Variants in PPFIA2 observed in about 807,000 individuals in gnomAD.
PPFIA2 encodes the protein PPFI scaffold protein A2.
Under a neutral mutation model 175.5 loss-of-function variants are expected in PPFIA2, and 46 were observed. That is an observed-to-expected ratio of 0.26 (90% CI 0.21 to 0.34). The LOEUF (loss-of-function observed/expected upper bound fraction) is 0.34. PPFIA2 is among the 10% of genes least tolerant of loss of function. The pLI is 1.00. For missense variants in PPFIA2, 1,179 were observed against 1,506.1 expected, an observed-to-expected ratio of 0.78 and a Z score of 3.60; for synonymous variants, 568 against 511.4, an observed-to-expected ratio of 1.11 and a Z score of -1.49.
At chr12:81,671,810 GT>G (rs2071475878) in intron 4 of PPFIA2, among the ~76,000 whole-genome samples, 1 of 151,536 alleles carries the variant, frequency 6.6e-6, no homozygotes, top group Admixed American at 6.6e-5. Flanking sequence ...ATATACCATG[GT>G]CCCCCCATCA....
chr12:81,383,087 T>C (rs978971225), intron 9 of PPFIA2, among the ~76,000 whole-genome samples: 6 of 152,018 alleles, frequency 3.9e-5, no homozygotes, highest in East Asian at 1.9e-4. Context: ...TTCAGTAACA[T>C]GGAGGTCAGT....
chr12:81,535,251 A>T (rs1199332604), intron 4 of PPFIA2, among the ~76,000 whole-genome samples: 3 of 151,728 alleles, frequency 2.0e-5, no homozygotes, highest in Non-Finnish European at 4.4e-5. Flanking sequence ...AGGGCAATGG[A>T]CAGCAGAGCA....
intron 3 of PPFIA2, among the ~76,000 whole-genome samples, chr12:81,708,287 A>T (rs926633845): frequency 6.6e-6 from 1 of 152,116 alleles, no homozygotes; most frequent in African/African-American, 2.4e-5. Flanking sequence ...AATTTTAAAA[A>T]CAGAGGGTGG....
In PPFIA2 at chr12:81,384,931, G is replaced by A. The variant is rs556119970; in HGVS notation, c.763-687C>T. Reference sequence around the variant, plus strand: ...CCGAAAGGACTGCTTAGAAACCAGGGTTTTCTAAAAATATGTCTTCAGAAG... The same window carrying A: ...CCGAAAGGACTGCTTAGAAACCAGGATTTTCTAAAAATATGTCTTCAGAAG... On this transcript the variant is annotated intron_variant, in intron 8 of 32. Coordinates refer to ENST00000549396, the MANE Select transcript of PPFIA2 (RefSeq NM_003625.5). Among the ~76,000 whole-genome samples, 8 of 152,074 alleles carry A rather than the reference G, an allele frequency of 5.3e-5. No homozygotes were observed. In the South Asian group the frequency reaches 1.7e-3, roughly 32 times the overall value.
At chr12:81,490,048 A>G (rs2059264322) in intron 4 of PPFIA2, among the ~76,000 whole-genome samples, 1 of 151,898 alleles carries the variant, frequency 6.6e-6, no homozygotes, top group African/African-American at 2.4e-5. Flanking sequence ...CCCCATTATA[A>G]GACCTAGCAT....
chr12:81,579,398 A>C (rs1159290468), intron 4 of PPFIA2, among the ~76,000 whole-genome samples: 3 of 151,816 alleles, frequency 2.0e-5, no homozygotes. Context: ...TTTCATTTTA[A>C]ACAGATTCTC....
intron 16 of PPFIA2, among the ~76,000 whole-genome samples, chr12:81,353,876 T>C (rs1356503119): frequency 6.6e-6 from 1 of 152,198 alleles, no homozygotes; most frequent in Admixed American, 6.6e-5. Context: ...TCAGGGTTAG[T>C]TCCAGCCCAC....
At chr12:81,367,629 T>C (rs1447343618) in intron 13 of PPFIA2, among the ~76,000 whole-genome samples, 1 of 151,548 alleles carries the variant, frequency 6.6e-6, no homozygotes, top group Non-Finnish European at 1.5e-5. Flanking sequence ...TACTGCAATG[T>C]GGAATTAACA....
At chr12:81,580,092 T>C (rs1186364976) in intron 4 of PPFIA2, among the ~76,000 whole-genome samples, 2 of 151,914 alleles carry the variant, frequency 1.3e-5, no homozygotes, top group Non-Finnish European at 1.5e-5. Flanking sequence ...CAATTAATTA[T>C]ATTATTAAGG....
At chr12:81,691,934 T>C (rs2153588431) in intron 3 of PPFIA2, among the ~76,000 whole-genome samples, 1 of 152,250 alleles carries the variant, frequency 6.6e-6, no homozygotes, top group Admixed American at 6.6e-5. Context: ...TTCTACCTCC[T>C]GGTATTCACA....
At chr12:81,379,678 C>T (rs551323451) in intron 9 of PPFIA2, among the ~76,000 whole-genome samples, 1 of 152,248 alleles carries the variant, frequency 6.6e-6, no homozygotes, top group South Asian at 2.1e-4. Context: ...TAGCTTTAAT[C>T]CAACTCACGT....
chr12:81,497,352 C>T (rs1312113412), intron 4 of PPFIA2, among the ~76,000 whole-genome samples: 2 of 151,708 alleles, frequency 1.3e-5, no homozygotes, highest in Non-Finnish European at 2.9e-5. Flanking sequence ...TTTTATCTTT[C>T]CAAGATTATT....
intron 4 of PPFIA2, among the ~76,000 whole-genome samples, chr12:81,595,398 T>C (rs916452549): frequency 1.3e-5 from 2 of 152,050 alleles, no homozygotes; most frequent in African/African-American, 4.8e-5. Context: ...TTAACTTTTG[T>C]CAATTAAAGG....
At chr12:81,438,988 A>T (rs1045881309) in intron 7 of PPFIA2, among the ~76,000 whole-genome samples, 8 of 151,994 alleles carry the variant, frequency 5.3e-5, no homozygotes, top group Admixed American at 5.2e-4. Flanking sequence ...ACCCTTGGTT[A>T]TTTAAGAGTA....
intron 4 of PPFIA2, among the ~76,000 whole-genome samples, chr12:81,538,545 A>T (rs1274735260): frequency 1.3e-5 from 2 of 151,910 alleles, no homozygotes; most frequent in East Asian, 3.9e-4. Flanking sequence ...GGGAAGGGGT[A>T]TTGCCATTTT....
intron 22 of PPFIA2, among the ~76,000 whole-genome samples, chr12:81,311,747 A>G (rs1022666123): frequency 2.0e-5 from 3 of 146,526 alleles, no homozygotes; most frequent in East Asian, 2.1e-4. Context: ...AAAAAAAAAA[A>G]AAAAAGAAAG....
chr12:81,394,962 G>A (rs1416990872), intron 8 of PPFIA2, among the ~76,000 whole-genome samples: 1 of 151,914 alleles, frequency 6.6e-6, no homozygotes, highest in African/African-American at 2.4e-5. Flanking sequence ...TTAATGAATA[G>A]CATTATTATT....
chr12:81,277,571 T>A, intron 27 of PPFIA2, 157 bp from the exon 28 acceptor site: 1 of 813,308 alleles, frequency 1.2e-6, no homozygotes, highest in Non-Finnish European at 1.7e-6. Flanking sequence ...TGGAGGGAAA[T>A]ACATTTATAA....
At chr12:81,605,693 A>C (rs11114932) in intron 4 of PPFIA2, among the ~76,000 whole-genome samples, 1,836 of 145,632 alleles carry the variant, frequency 0.013, 12 homozygotes, top group South Asian at 0.024. Context: ...CTATCTATCT[A>C]ATCTGTCTAT....
Sources: gnomAD v4.1 joint callset for allele counts (sites outside exome capture counted in the v4.1 genomes callset) on GRCh38, gnomAD v4.1.1 for gene constraint, MANE v1.5 for transcripts, NCBI Gene and HGNC (gene_info 2026-07-23, HGNC 2026-07-21) for gene names.